SPAG16: variants seen among roughly 807,000 people sequenced by gnomAD.
The protein encoded by SPAG16 is sperm-associated antigen 16 protein.
In SPAG16, 86 loss-of-function variants were observed where a neutral mutation model predicts 80.4. The ratio of observed to expected loss-of-function variants is 1.07; its 90% CI spans 0.90 to 1.28. The LOEUF is 1.28. Among genes scored for constraint, SPAG16 ranks in the 50% most tolerant of loss-of-function variants. The probability of loss-of-function intolerance (pLI) is 0.00; values close to 1 mark genes in which losing one functional copy is unlikely to be tolerated. For missense variants in SPAG16, 870 were observed against 765.3 expected, an observed-to-expected ratio of 1.14 and a Z score of -1.61; for synonymous variants, 294 against 265.9, an observed-to-expected ratio of 1.11 and a Z score of -1.03.
At chr2:213,884,650 C>T (rs2076484954) in intron 11 of SPAG16, among the ~76,000 whole-genome samples, 1 of 152,136 alleles carries the variant, frequency 6.6e-6, no homozygotes, top group Admixed American at 6.5e-5. Flanking sequence ...TAGACTCTGT[C>T]TCATTATATA....
chr2:214,333,336 T>A (rs2126015915), intron 15 of SPAG16, among the ~76,000 whole-genome samples: 1 of 152,324 alleles, frequency 6.6e-6, no homozygotes, highest in Middle Eastern at 3.4e-3. Context: ...TATGTTTTAA[T>A]CACTTTCTCC....
chr2:214,181,185 G>A (rs1256900268), intron 15 of SPAG16, among the ~76,000 whole-genome samples: 3 of 151,802 alleles, frequency 2.0e-5, no homozygotes, highest in Admixed American at 1.3e-4. Flanking sequence ...AGAAAGAGAA[G>A]CAATAAATGT....
intron 9 of SPAG16, among the ~76,000 whole-genome samples, chr2:213,478,345 C>A (rs1490278133): frequency 6.6e-6 from 1 of 152,128 alleles, no homozygotes; most frequent in African/African-American, 2.4e-5. Context: ...ACTAAGCAAA[C>A]CACCTGAGCT....
Position 213,466,229 on chromosome 2 carries a change from A to G in SPAG16, c.943-23734A>G, listed in dbSNP as rs929836910. Among the ~76,000 whole-genome samples, 5 of 152,112 alleles carry G rather than the reference A, an allele frequency of 3.3e-5. No individual in the cohort carries two copies. The East Asian group carries it at 7.7e-4, about 23-fold the overall frequency. On this transcript the variant is annotated intron_variant, in intron 9 of 15. Coordinates refer to ENST00000331683, the MANE Select transcript of SPAG16 (RefSeq NM_024532.5). ...TGATTGTGTGAGCCAATACTCCTTA[A>G]TAAAGTCCCCTTTATATATACATCT...
intron 10 of SPAG16, among the ~76,000 whole-genome samples, chr2:213,642,383 T>C (rs1236226370): frequency 6.6e-6 from 1 of 152,142 alleles, no homozygotes; most frequent in African/African-American, 2.4e-5. Flanking sequence ...ACCAACTTCC[T>C]TTAGTATTTC....
chr2:213,491,336 T>C (rs1444465600), intron 10 of SPAG16, among the ~76,000 whole-genome samples: 1 of 152,232 alleles, frequency 6.6e-6, no homozygotes, highest in East Asian at 1.9e-4. Context: ...TCTTCTACAA[T>C]TTCAATTTGT....
At chr2:213,285,070 C>T (rs530234971) in intron 1 of SPAG16, among the ~76,000 whole-genome samples, 1 of 152,288 alleles carries the variant, frequency 6.6e-6, no homozygotes, top group Admixed American at 6.5e-5. Context: ...GGAGCTGAAG[C>T]TCAGAATACC....
chr2:213,533,417 A>G (rs1302325844), intron 10 of SPAG16, among the ~76,000 whole-genome samples: 1 of 152,136 alleles, frequency 6.6e-6, no homozygotes, highest in African/African-American at 2.4e-5. Flanking sequence ...ATTTATCTTC[A>G]CTGACAAACA....
chr2:214,128,981 A>G (rs964645493), intron 14 of SPAG16, among the ~76,000 whole-genome samples: 1 of 151,740 alleles, frequency 6.6e-6, no homozygotes, highest in African/African-American at 2.4e-5. Context: ...GAAATTTTTC[A>G]TTCTGTCTGT....
chr2:214,192,306 T>C (rs2057691032), intron 15 of SPAG16, among the ~76,000 whole-genome samples: 1 of 152,120 alleles, frequency 6.6e-6, no homozygotes, highest in African/African-American at 2.4e-5. Flanking sequence ...TAATGTTTCT[T>C]TTTTCCTGAT....
intron 15 of SPAG16, among the ~76,000 whole-genome samples, chr2:214,262,658 C>T (rs73083005): frequency 0.015 from 2,306 of 151,900 alleles, 57 homozygotes; most frequent in African/African-American, 0.05. Flanking sequence ...CCTTCATCTC[C>T]GTATCTATAA....
chr2:213,645,032 T>C (rs1424994940), intron 10 of SPAG16, among the ~76,000 whole-genome samples: 2 of 152,184 alleles, frequency 1.3e-5, no homozygotes, highest in East Asian at 1.9e-4. Context: ...CTGCCTGGTA[T>C]TGTATTCGGC....
At chr2:214,287,531 G>C (rs1693454148) in intron 15 of SPAG16, among the ~76,000 whole-genome samples, 1 of 152,128 alleles carries the variant, frequency 6.6e-6, no homozygotes, top group African/African-American at 2.4e-5. Flanking sequence ...ACCATAGTTG[G>C]GGGTGGGCTT....
chr2:214,335,755 C>CTTTTT (rs71037369), intron 15 of SPAG16, among the ~76,000 whole-genome samples: 27 of 90,570 alleles, frequency 3.0e-4, no homozygotes, highest in African/African-American at 8.2e-4. Context: ...TATTAGGATT[C>CTTTTT]TTTTTTTTTT....
At chr2:213,575,310 A>G (rs1406106055) in intron 10 of SPAG16, among the ~76,000 whole-genome samples, 1 of 152,134 alleles carries the variant, frequency 6.6e-6, no homozygotes, top group African/African-American at 2.4e-5. Context: ...CCACAGCAAT[A>G]CTTTATCCTT....
intron 12 of SPAG16, among the ~76,000 whole-genome samples, chr2:214,013,288 A>C (rs1198537432): frequency 6.6e-6 from 1 of 151,836 alleles, no homozygotes; most frequent in Non-Finnish European, 1.5e-5. Context: ...AGATCCAATC[A>C]GGGTAGTGAC....
At chr2:213,702,885 T>G (rs569121195) in intron 10 of SPAG16, among the ~76,000 whole-genome samples, 1 of 152,304 alleles carries the variant, frequency 6.6e-6, no homozygotes, top group South Asian at 2.1e-4. Context: ...GTACTAGCAC[T>G]CAGACCCAAG....
chr2:213,941,667 A>G lies in SPAG16; in HGVS notation c.1400+11522A>G, dbSNP rs563612238. ...CCTACTCTTCACTTACTTCTAGACC[A>G]CTTTACTTCCTCTCTCCTCCCACAA... is the stretch of plus-strand genomic sequence containing the variant. On this transcript the variant is annotated intron_variant, in intron 12 of 15. Transcript: ENST00000331683. Among the ~76,000 whole-genome samples the G allele has an allele frequency of 2.0e-5, 3 of 152,204 alleles. No homozygotes were observed. The South Asian group carries it at 6.2e-4, about 32-fold the overall frequency.
At chr2:213,573,163 G>C (rs2059986719) in intron 10 of SPAG16, among the ~76,000 whole-genome samples, 2 of 152,094 alleles carry the variant, frequency 1.3e-5, no homozygotes. Flanking sequence ...GATGAACCCG[G>C]TACCTCAGAT....
Sources: gnomAD v4.1 joint callset for allele counts (sites outside exome capture counted in the v4.1 genomes callset) on GRCh38, gnomAD v4.1.1 for gene constraint, MANE v1.5 for transcripts, NCBI Gene and HGNC (gene_info 2026-07-23, HGNC 2026-07-21) for gene names.